TEKT3: variants seen among roughly 807,000 people sequenced by gnomAD.
The protein encoded by TEKT3 is tektin 3.
A neutral mutation model predicts 49.8 loss-of-function variants in TEKT3; 49 were observed. The ratio of observed to expected loss-of-function variants is 0.98; its 90% CI spans 0.78 to 1.25. TEKT3 has a LOEUF of 1.25. TEKT3 is among the 50% of genes most tolerant of loss of function. The pLI, the probability that TEKT3 is intolerant of heterozygous loss-of-function variation, is 0.00. For missense variants in TEKT3, 595 were observed against 629.5 expected (o/e 0.95, Z 0.59); for synonymous variants, 225 against 237.2 (o/e 0.95, Z 0.47).
At chr17:15,320,591 T>A (rs1911211570) in intron 4 of TEKT3, among the ~76,000 whole-genome samples, 1 of 152,194 alleles carries the variant, frequency 6.6e-6, no homozygotes. Context: ...GTTTAATCGT[T>A]TAGTATAAAA....
Position 15,314,960 on chromosome 17 carries a change from T to C in TEKT3, c.735-730A>G, listed in dbSNP as rs571122529. ...CCAGGCAGACAGGGGACCCACAGCT[T>C]ATTACCAAAGACAGACCCTGGGGGC... On this transcript the variant is annotated intron_variant, in intron 5 of 8. Coordinates refer to ENST00000395930, the MANE Select transcript of TEKT3 (RefSeq NM_031898.3). Among the ~76,000 whole-genome samples the C allele has an allele frequency of 2.0e-5, 3 of 152,242 alleles. No homozygotes were observed. In the South Asian group the frequency reaches 6.2e-4, roughly 32 times the overall value.
rs230897 is a variant in TEKT3 at position 15,314,072 on chromosome 17, G to C, written c.878+15C>G. The C allele has an allele frequency of 6.2e-7, 1 of 1,613,800 alleles. No homozygotes were observed. Among genetic ancestry groups the C allele is most frequent in the Non-Finnish European group, 8.5e-7 (1 of 1,179,882 alleles). Reference sequence around the variant, plus strand: ...ATGACATCGAAATCACAGCCGTGGCGTGTGCCTGACTTACGTTGCATCGAC... The same window carrying C: ...ATGACATCGAAATCACAGCCGTGGCCTGTGCCTGACTTACGTTGCATCGAC... On this transcript the variant is annotated intron_variant, in intron 6 of 8. Coordinates refer to ENST00000395930, the MANE Select transcript of TEKT3 (RefSeq NM_031898.3).
At chr17:15,306,047 G>A (rs1910531361) in intron 8 of TEKT3, among the ~76,000 whole-genome samples, 1 of 148,034 alleles carries the variant, frequency 6.8e-6, no homozygotes, top group African/African-American at 2.5e-5. Flanking sequence ...AAAATGTCTT[G>A]CATTCAAATA....
At chr17:15,314,257 C>T (rs764969031) in intron 5 of TEKT3, 27 bp from the exon 6 acceptor site, 7 of 1,613,558 alleles carry the variant, frequency 4.3e-6, no homozygotes, top group Non-Finnish European at 4.2e-6. Flanking sequence ...GGAAGTGGAG[C>T]TTCACACTCA....
At chr17:15,316,744 C>T (rs116016403) in intron 5 of TEKT3, among the ~76,000 whole-genome samples, 167 of 152,288 alleles carry the variant, frequency 1.1e-3, no homozygotes, top group African/African-American at 3.8e-3. Context: ...TAATAATACC[C>T]GTCTTTCCAG....
chr17:15,331,579 G>A lies in TEKT3; in HGVS notation c.7C>T (p.Arg3Cys), dbSNP rs1911755400. The change falls in exon 3 of 9, where the codon CGT becomes TGT. Residue 3 changes from arginine (R) to cysteine (C), a missense_variant. By Grantham distance (180) the Arg-to-Cys change is radical (BLOSUM62 -3). Transcript: ENST00000395930. ...GTTGTCGTTAAAGTACAACCTACAC[G>A]TTCCATGATGCCAAAACACTATTTG... ME[R>C]VGCTLTTTYA... The A allele has an allele frequency of 3.7e-6, 6 of 1,606,778 alleles. No individual in the cohort carries two copies. Among genetic ancestry groups the A allele is most frequent in the Admixed American group, 1.7e-5 (1 of 59,078 alleles).
In TEKT3 at chr17:15,312,439, A is replaced by G; in HGVS notation, c.921T>C (p.Asn307=). Residue 307 remains asparagine, a synonymous_variant, in exon 7 of 9, where the codon AAT becomes AAC. Transcript: ENST00000395930. The stretch of plus-strand genomic sequence containing the variant: ...CCCGTTCACTCTGGGAGCGGAGAAT[A>G]TTGTCATCTGTAAATTTGGCCCAGG... ...PESWAKFTDD[N]ILRSQSERAA... is the part of the protein sequence containing the mutation. The G allele has an allele frequency of 1.9e-6, 3 of 1,614,158 alleles. No homozygotes were observed. The highest frequency in any genetic ancestry group is 2.5e-6 in the Non-Finnish European group (3 of 1,180,038).
chr17:15,324,855 G>A (rs1171842332), intron 4 of TEKT3, among the ~76,000 whole-genome samples: 1 of 152,144 alleles, frequency 6.6e-6, no homozygotes, highest in African/African-American at 2.4e-5. Context: ...CTATTCCAAT[G>A]TCACGAATAT....
Position 15,308,689 on chromosome 17 carries a change from A to G in TEKT3, c.1231T>C (p.Leu411=). The G allele has an allele frequency of 1.2e-6, 2 of 1,612,084 alleles. No individual in the cohort carries two copies. Among genetic ancestry groups the G allele is most frequent in the Non-Finnish European group, 1.7e-6 (2 of 1,179,188 alleles). The part of the protein sequence containing the change: ...DERTRRPNIE[L]CRDMAQLRLV... ...CGTAGCTGAGCCATGTCTCGGCACA[A>G]CTCAATGTTCGGCCGTCTTGTGCGC... is the stretch of plus-strand genomic sequence containing the variant. Residue 411 remains leucine (L), a synonymous_variant, in exon 8 of 9, where the codon TTG becomes CTG. Transcript: ENST00000395930.
At chr17:15,311,234 G>A (rs915513074) in intron 7 of TEKT3, 16 of 152,182 alleles carry the variant, frequency 1.1e-4, no homozygotes, top group African/African-American at 3.9e-4. Flanking sequence ...GGCACCATGA[G>A]AAGGAAAAGT....
intron 2 of TEKT3, among the ~76,000 whole-genome samples, chr17:15,332,145 A>C (rs569522185): frequency 5.3e-5 from 8 of 152,266 alleles, no homozygotes; most frequent in Admixed American, 2.0e-4. Flanking sequence ...ATGAGCTGAG[A>C]TCGCACCACT....
chr17:15,324,414 AT>A (rs1911399325), intron 4 of TEKT3, among the ~76,000 whole-genome samples: 1 of 152,120 alleles, frequency 6.6e-6, no homozygotes, highest in Non-Finnish European at 1.5e-5. Context: ...CCATGCACAA[AT>A]TTTTGTTTGG....
rs951901194 is a variant in TEKT3 at position 15,304,133 on chromosome 17, C to T, written c.1276G>A (p.Glu426Lys). ...AQLRLVNEVH[E>K]VDDTIQTLQQ... is the part of the protein sequence containing the mutation. ...AGGGTCTGGATGGTGTCGTCAACCT[C>T]GTGTACCTCGTTAACAAGGCTGCAG... The change falls in exon 9 of 9, where the codon GAG (glutamate) becomes AAG (lysine). Residue 426 changes from glutamate to lysine, a missense_variant. By Grantham distance (56) the Glu-to-Lys change is moderately conservative. Coordinates refer to ENST00000395930, the MANE Select transcript of TEKT3 (RefSeq NM_031898.3). This position sits in a 1 kb window ranked among gnomAD's most constrained non-coding sequence, Gnocchi z 4.7. 1.9e-6 allele frequency: 3 copies of T among 1,613,656 alleles called. No individual in the cohort carries two copies. The highest frequency in any genetic ancestry group is 1.3e-5 in the African/African-American group (1 of 75,022).
chr17:15,315,468 G>T (rs896876513), intron 5 of TEKT3, among the ~76,000 whole-genome samples: 2 of 152,106 alleles, frequency 1.3e-5, no homozygotes, highest in Non-Finnish European at 2.9e-5. Flanking sequence ...ACTCAGGTGA[G>T]AGATGAAGGC....
At chr17:15,338,864 G>A (rs16951395) in intron 2 of TEKT3, among the ~76,000 whole-genome samples, 9,419 of 151,826 alleles carry the variant, frequency 0.062, 361 homozygotes, top group Admixed American at 0.11. Context: ...ATCATTAACC[G>A]ATGCTATAAA....
At chr17:15,326,285 C>A (rs1261032864) in intron 4 of TEKT3, among the ~76,000 whole-genome samples, 1 of 152,152 alleles carries the variant, frequency 6.6e-6, no homozygotes, top group Non-Finnish European at 1.5e-5. Flanking sequence ...AGGTGTGACC[C>A]TGCAAAGCTT....
chr17:15,316,595 T>G (rs569926494), intron 5 of TEKT3, among the ~76,000 whole-genome samples: 9 of 152,210 alleles, frequency 5.9e-5, no homozygotes, highest in Non-Finnish European at 1.2e-4. Context: ...AAAATTGCAC[T>G]TGTACCCCAT....
At chr17:15,329,137 T>C (rs1482741770) in intron 3 of TEKT3, among the ~76,000 whole-genome samples, 1 of 152,230 alleles carries the variant, frequency 6.6e-6, no homozygotes, top group Non-Finnish European at 1.5e-5. Context: ...CAGCTCTAAA[T>C]GTCATGCATT....
At chr17:15,318,705 T>C (rs955445298) in intron 5 of TEKT3, among the ~76,000 whole-genome samples, 1 of 152,128 alleles carries the variant, frequency 6.6e-6, no homozygotes, top group Non-Finnish European at 1.5e-5. Context: ...GCCTGGCTAA[T>C]TTGTATCTTT....
Sources: gnomAD v4.1 joint callset for allele counts (sites outside exome capture counted in the v4.1 genomes callset) on GRCh38, gnomAD v4.1.1 for gene constraint, Gnocchi (gnomAD v3.1) non-coding constraint, MANE v1.5 for transcripts, NCBI Gene and HGNC (gene_info 2026-07-23, HGNC 2026-07-21) for gene names.